The following EYS variants were observed in gnomAD, a reference collection of about 807,000 sequenced individuals.
The protein encoded by EYS is EGF-like photoreceptor maintenance factor.
In EYS, 250 loss-of-function variants were observed where a neutral mutation model predicts 282.1. The ratio of observed to expected loss-of-function variants is 0.89; its 90% CI spans 0.80 to 0.98. EYS has a LOEUF of 0.98. Ranked by LOEUF, EYS falls within the 50% of genes least tolerant of loss-of-function variation. The probability of loss-of-function intolerance (pLI) is 0.00; values close to 1 mark genes in which losing one functional copy is unlikely to be tolerated. For synonymous variants in EYS, 1,355 were observed against 1,282.9 expected (o/e 1.06, Z -1.20); for missense variants, 4,016 against 3,709.0 (o/e 1.08, Z -2.15).
At chr6:63,848,311 A>T (rs962072354) in intron 36 of EYS, among the ~76,000 whole-genome samples, 5 of 152,010 alleles carry the variant, frequency 3.3e-5, no homozygotes, top group Admixed American at 6.6e-5. Context: ...AATTTAAGTA[A>T]ACTTAATTGT....
intron 19 of EYS, among the ~76,000 whole-genome samples, chr6:64,837,701 A>T (rs1299762020): frequency 7.3e-6 from 1 of 137,724 alleles, no homozygotes; most frequent in Admixed American, 7.4e-5. Flanking sequence ...ATATATATGT[A>T]TATCCTAAAG....
At chr6:64,723,195 A>G (rs1771643590) in intron 22 of EYS, among the ~76,000 whole-genome samples, 1 of 152,160 alleles carries the variant, frequency 6.6e-6, no homozygotes, top group Non-Finnish European at 1.5e-5. Flanking sequence ...CAACTTTGCC[A>G]TAATGACTTA....
intron 12 of EYS, among the ~76,000 whole-genome samples, chr6:65,142,679 G>A (rs1764377449): frequency 6.6e-6 from 1 of 151,516 alleles, no homozygotes; most frequent in South Asian, 2.1e-4. Flanking sequence ...AACTAATAAA[G>A]GACATTAGTT....
chr6:65,445,586 T>A (rs1768622668), intron 5 of EYS, among the ~76,000 whole-genome samples: 1 of 151,676 alleles, frequency 6.6e-6, no homozygotes, highest in Non-Finnish European at 1.5e-5. Flanking sequence ...TATGAAAAAA[T>A]TTACCTGACA....
intron 12 of EYS, among the ~76,000 whole-genome samples, chr6:65,185,303 C>T (rs758524118): frequency 2.6e-5 from 4 of 151,652 alleles, no homozygotes; most frequent in East Asian, 2.0e-4. Context: ...AAGTGTTGAC[C>T]GAATTTATGC....
At chr6:63,843,383 T>C (rs1484138575) in intron 36 of EYS, among the ~76,000 whole-genome samples, 1 of 152,158 alleles carries the variant, frequency 6.6e-6, no homozygotes, top group Admixed American at 6.6e-5. Context: ...GAATGGGAGT[T>C]CACTCATGAT....
At chr6:64,461,136 T>C (rs537967447) in intron 26 of EYS, among the ~76,000 whole-genome samples, 47 of 152,288 alleles carry the variant, frequency 3.1e-4, no homozygotes, top group African/African-American at 1.1e-3. Flanking sequence ...GGAAGTTTCA[T>C]GTAAGGAATA....
intron 26 of EYS, among the ~76,000 whole-genome samples, chr6:64,441,243 A>C (rs1023115814): frequency 2.0e-5 from 3 of 152,196 alleles, no homozygotes; most frequent in African/African-American, 7.2e-5. Context: ...ACCAATAATT[A>C]ACAATAAAAA....
chr6:64,788,691 G>A (rs553285987), intron 22 of EYS, among the ~76,000 whole-genome samples: 58 of 152,210 alleles, frequency 3.8e-4, no homozygotes, highest in African/African-American at 1.4e-3. Context: ...CTTTTAAAGA[G>A]TTATTCAATG....
At chr6:64,125,177 GCTCT>G (rs554215677) in intron 31 of EYS, among the ~76,000 whole-genome samples, 3 of 134,384 alleles carry the variant, frequency 2.2e-5, no homozygotes, top group East Asian at 2.2e-4. Flanking sequence ...TCTCTCTCTC[GCTCT>G]CTCTCTCTCT....
chr6:64,831,133 A>G (rs1288885349), intron 19 of EYS, among the ~76,000 whole-genome samples: 1 of 152,012 alleles, frequency 6.6e-6, no homozygotes, highest in East Asian at 1.9e-4. Flanking sequence ...GTAGTCACTG[A>G]TAACTCACCT....
At chr6:64,798,133 T>C (rs1397368355) in intron 22 of EYS, among the ~76,000 whole-genome samples, 3 of 151,890 alleles carry the variant, frequency 2.0e-5, no homozygotes, top group Non-Finnish European at 4.4e-5. Flanking sequence ...GAGAGAAATT[T>C]TGTCACACCT....
chr6:63,908,721 G>T (rs1422376027), intron 35 of EYS, among the ~76,000 whole-genome samples: 1 of 152,104 alleles, frequency 6.6e-6, no homozygotes, highest in African/African-American at 2.4e-5. Context: ...ACAGTGCTGG[G>T]ATTACAGATG....
intron 12 of EYS, among the ~76,000 whole-genome samples, chr6:65,113,626 T>C (rs1381517367): frequency 1.3e-5 from 2 of 152,078 alleles, no homozygotes; most frequent in South Asian, 2.1e-4. Flanking sequence ...TTAACTTCTT[T>C]CTTCATGCCA....
At chr6:64,173,237 A>G (rs929489207) in intron 31 of EYS, among the ~76,000 whole-genome samples, 4 of 152,184 alleles carry the variant, frequency 2.6e-5, no homozygotes, top group African/African-American at 7.2e-5. Context: ...GCCTACAACT[A>G]TGTTTAATAT....
chr6:64,949,912 C>G (rs1399176489), intron 14 of EYS, among the ~76,000 whole-genome samples: 5 of 151,798 alleles, frequency 3.3e-5, no homozygotes, highest in Non-Finnish European at 7.4e-5. Context: ...CTTAGCCTAG[C>G]GACAAATAAT....
At chr6:64,838,820 C>T (rs1416818981) in intron 19 of EYS, among the ~76,000 whole-genome samples, 2 of 151,914 alleles carry the variant, frequency 1.3e-5, no homozygotes, top group South Asian at 2.1e-4. Flanking sequence ...CCACTTACAA[C>T]ATTTTTGTTT....
At position 65,494,933 on chromosome 6, in the gene EYS, G is replaced by C. The variant is rs1361351132; in HGVS notation, c.478C>G (p.Pro160Ala). ...GTCACATTTAGTCGAAGTCCCAGTGGACAAGGTGATGGACCACTTGCCATA... is the reference window on the plus strand; with the variant it reads ...GTCACATTTAGTCGAAGTCCCAGTGCACAAGGTGATGGACCACTTGCCATA... Reference protein sequence around the residue: ...TVMASGPSPCPLGLRLNVTVK... With the variant: ...TVMASGPSPCALGLRLNVTVK... The change falls in exon 4 of 43, where the codon CCA becomes GCA. Residue 160 changes from proline to alanine, a missense_variant. Physicochemically the swap from Pro to Ala is conservative, Grantham distance 27 (BLOSUM62 -1). Transcript: ENST00000503581. 7.4e-6 allele frequency: 12 copies of C among 1,614,010 alleles called. No individual in the cohort carries two copies. Among genetic ancestry groups the C allele is most frequent in the Non-Finnish European group, 1.0e-5 (12 of 1,180,028 alleles).
intron 11 of EYS, among the ~76,000 whole-genome samples, chr6:65,309,558 G>T (rs2150297472): frequency 6.6e-6 from 1 of 152,212 alleles, no homozygotes; most frequent in East Asian, 1.9e-4. Context: ...GCTTAAAAGG[G>T]GGACTTTTAA....
Sources: gnomAD v4.1 joint callset for allele counts (sites outside exome capture counted in the v4.1 genomes callset) on GRCh38, gnomAD v4.1.1 for gene constraint, MANE v1.5 for transcripts, NCBI Gene and HGNC (gene_info 2026-07-23, HGNC 2026-07-21) for gene names.